The following ZNF407 variants were observed in gnomAD, a reference collection of about 807,000 sequenced individuals.
ZNF407 encodes zinc finger protein 407.
Under a neutral mutation model 131.2 loss-of-function variants are expected in ZNF407, and 17 were observed. That is an observed-to-expected ratio of 0.13 (90% confidence interval 0.09 to 0.19). ZNF407 has a LOEUF of 0.19. ZNF407 is among the 10% of genes least tolerant of loss of function. ZNF407 has a pLI of 1.00. For synonymous variants in ZNF407, 1,156 were observed against 1,062.0 expected, an observed-to-expected ratio of 1.09 and a Z score of -1.72; for missense variants, 2,681 against 2,830.6, an observed-to-expected ratio of 0.95 and a Z score of 1.20.
At chr18:74,996,073 T>C (rs1972776731) in intron 8 of ZNF407, among the ~76,000 whole-genome samples, 1 of 152,230 alleles carries the variant, frequency 6.6e-6, no homozygotes, top group Non-Finnish European at 1.5e-5. Flanking sequence ...GTTTTAATAC[T>C]AAACAAATAG....
rs756928159 is a variant in ZNF407 at position 75,063,835 on chromosome 18, C to T, written c.6114C>T (p.Pro2038=). ...ATGTGGCTGCCGACCCCGAGGCCCC[C>T]GAGATCCAGATGTTCCCACAGGCCC... ...VSHVAADPEA[P]EIQMFPQAQE... is the part of the protein sequence containing the mutation. Residue 2038 remains proline (P), a synonymous_variant, in exon 9 of 9, where the codon CCC becomes CCT. Transcript: ENST00000299687. The surrounding 1 kb of genome is among the most constrained non-coding windows in gnomAD (Gnocchi z 6.6). The T allele has an allele frequency of 1.7e-5, 28 of 1,607,984 alleles. No individual in the cohort carries two copies. Among genetic ancestry groups the T allele is most frequent in the East Asian group, 6.7e-5 (3 of 44,786 alleles).
chr18:74,828,621 T>C lies in ZNF407; in HGVS notation c.4877+47119T>C, dbSNP rs146229257. On this transcript the variant is annotated intron_variant, in intron 4 of 8. Transcript: ENST00000299687. ...GCACTGCTTATGGGAACCTGTTCTT[T>C]CCACCACTGTATAGCTAGAAGGTTC... Among the ~76,000 whole-genome samples, 935 of 152,336 alleles carry C rather than the reference T, an allele frequency of 6.1e-3. 4 individuals carry two copies. Among genetic ancestry groups the C allele is most frequent in the Non-Finnish European group, 0.011 (745 of 68,028 alleles).
intron 8 of ZNF407, among the ~76,000 whole-genome samples, chr18:75,029,883 G>T (rs1419610958): frequency 6.6e-6 from 1 of 152,228 alleles, no homozygotes; most frequent in Non-Finnish European, 1.5e-5. Flanking sequence ...AATCAAGGAT[G>T]AATTCTTGCA....
intron 8 of ZNF407, among the ~76,000 whole-genome samples, chr18:74,927,348 G>A (rs1971927660): frequency 6.6e-6 from 1 of 152,170 alleles, no homozygotes; most frequent in Non-Finnish European, 1.5e-5. Context: ...AGTTTTTTCA[G>A]TGGAAGCCTT....
chr18:74,744,145 T>A (rs1381968451), intron 3 of ZNF407, among the ~76,000 whole-genome samples: 1 of 152,194 alleles, frequency 6.6e-6, no homozygotes, highest in African/African-American at 2.4e-5. Context: ...GAGAATTTAT[T>A]AATGAACTTA....
intron 4 of ZNF407, among the ~76,000 whole-genome samples, chr18:74,815,074 C>A (rs1970249775): frequency 6.6e-6 from 1 of 150,928 alleles, no homozygotes; most frequent in Admixed American, 6.6e-5. Flanking sequence ...ATAAATTAAA[C>A]AAAATAAAAT....
At chr18:74,695,153 GTCT>G (rs751384866) in intron 3 of ZNF407, among the ~76,000 whole-genome samples, 10 of 152,194 alleles carry the variant, frequency 6.6e-5, no homozygotes, top group Non-Finnish European at 1.3e-4. Flanking sequence ...ATTCTTCTTT[GTCT>G]TCTTTGTCAG....
At chr18:74,903,290 A>T (rs1215426086) in intron 7 of ZNF407, among the ~76,000 whole-genome samples, 5 of 152,222 alleles carry the variant, frequency 3.3e-5, no homozygotes, top group Non-Finnish European at 7.3e-5. Context: ...TTCAACTAGA[A>T]AAATACGGTA....
At chr18:74,862,949 T>G (rs910014644) in intron 4 of ZNF407, among the ~76,000 whole-genome samples, 1 of 151,826 alleles carries the variant, frequency 6.6e-6, no homozygotes, top group African/African-American at 2.4e-5. Context: ...AGATGAAGTT[T>G]TGCTCTTATT....
chr18:74,678,684 C>T (rs571777823), intron 3 of ZNF407, among the ~76,000 whole-genome samples: 3 of 152,228 alleles, frequency 2.0e-5, no homozygotes, highest in Non-Finnish European at 2.9e-5. Flanking sequence ...GTCCTCAGCA[C>T]GAGGGTTGGT....
At chr18:74,686,955 T>G (rs1219581023) in intron 3 of ZNF407, among the ~76,000 whole-genome samples, 1 of 152,242 alleles carries the variant, frequency 6.6e-6, no homozygotes, top group Non-Finnish European at 1.5e-5. Flanking sequence ...CCCGTACTTT[T>G]CTAGTTGCTG....
At chr18:74,760,839 G>A (rs1237640810) in intron 3 of ZNF407, among the ~76,000 whole-genome samples, 1 of 152,166 alleles carries the variant, frequency 6.6e-6, no homozygotes, top group African/African-American at 2.4e-5. Context: ...TTGGGCATGA[G>A]ATTGGAATAA....
intron 3 of ZNF407, among the ~76,000 whole-genome samples, chr18:74,711,342 C>T (rs1217013843): frequency 6.6e-6 from 1 of 152,126 alleles, no homozygotes; most frequent in African/African-American, 2.4e-5. Flanking sequence ...GGCCAGTCAG[C>T]TGACCTTAAA....
chr18:75,011,346 T>C (rs2122181257), intron 8 of ZNF407, among the ~76,000 whole-genome samples: 1 of 152,316 alleles, frequency 6.6e-6, no homozygotes, highest in East Asian at 1.9e-4. Context: ...CATTTAATTC[T>C]GTAGTTTGCT....
At chr18:74,842,600 ATGTGTGTGTG>A in intron 4 of ZNF407, among the ~76,000 whole-genome samples, 1 of 150,448 alleles carries the variant, frequency 6.6e-6, no homozygotes, top group Middle Eastern at 3.4e-3. Flanking sequence ...TTCCCTAGTG[ATGTGTGTGTG>A]TGTGTGTGTG....
At chr18:74,679,466 C>G (rs192289449) in intron 3 of ZNF407, among the ~76,000 whole-genome samples, 2 of 152,292 alleles carry the variant, frequency 1.3e-5, no homozygotes, top group East Asian at 3.9e-4. Flanking sequence ...AGAGCAGTTG[C>G]TGGCATGTAG....
chr18:75,005,946 C>T (rs965369022), intron 8 of ZNF407, among the ~76,000 whole-genome samples: 2 of 152,100 alleles, frequency 1.3e-5, no homozygotes, highest in Admixed American at 6.5e-5. Context: ...AGTTTTGATT[C>T]TTCGTTAGAA....
At chr18:74,702,878 C>T (rs1967533292) in intron 3 of ZNF407, among the ~76,000 whole-genome samples, 1 of 152,168 alleles carries the variant, frequency 6.6e-6, no homozygotes, top group African/African-American at 2.4e-5. Flanking sequence ...ATTTTAAATG[C>T]ATGGGAAGAG....
intron 3 of ZNF407, among the ~76,000 whole-genome samples, chr18:74,715,251 G>A (rs965722547): frequency 5.3e-5 from 8 of 152,150 alleles, no homozygotes; most frequent in Non-Finnish European, 2.9e-5. Context: ...AGCAGTCCAC[G>A]GTAACTTGTG....
Sources: allele counts gnomAD v4.1 joint callset (sites outside exome capture counted in the v4.1 genomes callset), GRCh38; gene constraint gnomAD v4.1.1; non-coding constraint Gnocchi (gnomAD v3.1); transcripts MANE v1.5; gene names NCBI Gene and HGNC (gene_info 2026-07-23, HGNC 2026-07-21).